MYO16: variants seen among roughly 807,000 people sequenced by gnomAD.
The protein encoded by MYO16 is myosin XVI, also known as unconventional myosin-XVI.
Under a neutral mutation model 205.3 loss-of-function variants are expected in MYO16, and 94 were observed. The observed-to-expected ratio is 0.46, with a 90% CI of 0.39 to 0.54. The LOEUF (loss-of-function observed/expected upper bound fraction) is 0.54, where lower values mean the gene tolerates loss of function less well. MYO16 is among the 20% of genes least tolerant of loss of function. MYO16 has a pLI of 0.00. For missense variants in MYO16, 2,315 were observed against 2,387.5 expected (o/e 0.97, Z 0.63); for synonymous variants, 988 against 954.0 (o/e 1.04, Z -0.66).
chr13:108,832,766 T>A (rs1876693453), intron 9 of MYO16, among the ~76,000 whole-genome samples: 1 of 152,210 alleles, frequency 6.6e-6, no homozygotes, highest in African/African-American at 2.4e-5. Flanking sequence ...GACTTTTATA[T>A]CAAATAAGTC....
At chr13:109,131,349 C>A (rs184557101) in intron 31 of MYO16, among the ~76,000 whole-genome samples, 1 of 152,282 alleles carries the variant, frequency 6.6e-6, no homozygotes, top group Non-Finnish European at 1.5e-5. Context: ...TATTCTTGTT[C>A]TTACTAGCAT....
At chr13:109,206,518 G>A (rs1424229275) in intron 34 of MYO16, 91 bp from the exon 35 acceptor site, 15 of 958,044 alleles carry the variant, frequency 1.6e-5, no homozygotes, top group Non-Finnish European at 2.4e-5. Context: ...CACCAGTCCT[G>A]CCCCTTTGTA....
At chr13:108,676,403 G>GTGTGTGTGTGTGTGTT (rs143639000) in intron 2 of MYO16, among the ~76,000 whole-genome samples, 2,876 of 148,276 alleles carry the variant, frequency 0.019, 53 homozygotes, top group South Asian at 0.049. Context: ...GTGTGTGTGT[G>GTGTGTGTGTGTGTGTT]TGTGCCAGCC....
At chr13:108,849,064 C>G (rs7986961) in intron 10 of MYO16, among the ~76,000 whole-genome samples, 95,154 of 151,982 alleles carry the variant, frequency 0.63, 30,363 homozygotes, top group Middle Eastern at 0.67. Context: ...AAACTACACA[C>G]GACTGTCCAG....
chr13:108,621,707 C>T lies in MYO16; in HGVS notation c.-39+25468C>T, dbSNP rs1879549298. On this transcript the variant is annotated intron_variant, in intron 1 of 24. Transcript: ENST00000251041. ...GTGTTAGGTCAATAGTAGCCTGCTC[C>T]ATACCAATGCCTACGTCATTCCCCT... Among the ~76,000 whole-genome samples the T allele has an allele frequency of 2.6e-5, 4 of 152,262 alleles. 1 individual carries two copies. In the South Asian group the frequency reaches 6.2e-4, roughly 24 times the overall value.
At chr13:109,166,682 A>C (rs935256303) in intron 33 of MYO16, 1 of 152,248 alleles carries the variant, frequency 6.6e-6, no homozygotes, top group Non-Finnish European at 1.5e-5. Flanking sequence ...TCTTCCCAAG[A>C]GAAATGACAG....
chr13:109,089,705 T>G (rs992267487), intron 27 of MYO16, among the ~76,000 whole-genome samples: 2 of 152,258 alleles, frequency 1.3e-5, no homozygotes, highest in Non-Finnish European at 2.9e-5. Context: ...CTGACTGTCT[T>G]ATGACATAAT....
At chr13:108,981,387 G>T (rs1234943561) in intron 20 of MYO16, among the ~76,000 whole-genome samples, 1 of 152,242 alleles carries the variant, frequency 6.6e-6, no homozygotes, top group Non-Finnish European at 1.5e-5. Flanking sequence ...ATTAGTCTGT[G>T]CATCCATGCC....
At chr13:108,808,593 G>T (rs950397264) in intron 7 of MYO16, among the ~76,000 whole-genome samples, 2 of 151,990 alleles carry the variant, frequency 1.3e-5, no homozygotes, top group African/African-American at 2.4e-5. Flanking sequence ...GTTTACAGGC[G>T]TGAGCCACCA....
chr13:109,144,380 C>T (rs1877235804), intron 32 of MYO16, among the ~76,000 whole-genome samples: 1 of 152,140 alleles, frequency 6.6e-6, no homozygotes, highest in Admixed American at 6.5e-5. Flanking sequence ...ATCATGTTCT[C>T]ATGGATAGTT....
intron 21 of MYO16, among the ~76,000 whole-genome samples, chr13:108,998,535 GTGT>G (rs1885110471): frequency 6.6e-6 from 1 of 151,980 alleles, no homozygotes; most frequent in African/African-American, 2.4e-5. Context: ...ATATTTTTTA[GTGT>G]TCCAGCATTT....
chr13:108,734,303 C>A (rs1884620940), intron 4 of MYO16, among the ~76,000 whole-genome samples: 1 of 151,936 alleles, frequency 6.6e-6, no homozygotes, highest in Non-Finnish European at 1.5e-5. Flanking sequence ...ATATATCATA[C>A]ATTTGTAATA....
chr13:108,549,417 ATTT>A, the MYO16 span, among the ~76,000 whole-genome samples: 1 of 149,804 alleles, frequency 6.7e-6, no homozygotes, highest in East Asian at 2.0e-4. Flanking sequence ...CCGTTTCTGT[ATTT>A]TTTTTTTTTC....
At chr13:109,134,672 A>G (rs927730895) in intron 31 of MYO16, among the ~76,000 whole-genome samples, 16 of 152,182 alleles carry the variant, frequency 1.1e-4, no homozygotes, top group Admixed American at 5.2e-4. Flanking sequence ...TCAGTGCTTC[A>G]GGGGCATGTG....
chr13:108,508,535 A>C, the MYO16 span, among the ~76,000 whole-genome samples: 1 of 152,186 alleles, frequency 6.6e-6, no homozygotes, highest in Middle Eastern at 3.4e-3. Flanking sequence ...AAAGTATGCA[A>C]GTTTTGTCAG....
At chr13:108,791,202 A>G (rs926482885) in intron 5 of MYO16, among the ~76,000 whole-genome samples, 2 of 152,224 alleles carry the variant, frequency 1.3e-5, no homozygotes, top group African/African-American at 4.8e-5. Flanking sequence ...TCCATGATTC[A>G]GAAGCTGAGG....
intron 9 of MYO16, among the ~76,000 whole-genome samples, chr13:108,830,625 G>T: frequency 8.0e-6 from 1 of 124,662 alleles, no homozygotes; most frequent in Non-Finnish European, 1.7e-5. Flanking sequence ...TGGGGGGAGG[G>T]GGGAGGGATA....
At chr13:108,688,700 C>T (rs1289032519) in intron 2 of MYO16, among the ~76,000 whole-genome samples, 1 of 152,124 alleles carries the variant, frequency 6.6e-6, no homozygotes, top group African/African-American at 2.4e-5. Context: ...TTCTCCTGAA[C>T]TTTTTATGCA....
rs1387652506 is a variant in MYO16, at chr13:109,097,176, G to T, written c.3336-3609G>T. Reference sequence around the variant, plus strand: ...AAACCCTGTCTCTACTAAAAATACAGAAATTAGTTGGGCGTGGTGGCGGGC... The same window carrying T: ...AAACCCTGTCTCTACTAAAAATACATAAATTAGTTGGGCGTGGTGGCGGGC... On this transcript the variant is annotated intron_variant, in intron 27 of 34. Coordinates refer to ENST00000457511, the MANE Select transcript of MYO16 (RefSeq NM_001198950.3). 2.0e-5 allele frequency among the ~76,000 whole-genome samples: 3 copies of T among 152,226 alleles called. No individual in the cohort carries two copies. The East Asian group carries it at 5.8e-4, about 29-fold the overall frequency.
Sources: allele counts gnomAD v4.1 joint callset (sites outside exome capture counted in the v4.1 genomes callset), GRCh38; gene constraint gnomAD v4.1.1; transcripts MANE v1.5; gene names NCBI Gene and HGNC (gene_info 2026-07-23, HGNC 2026-07-21).